The following BLTP1 variants were observed in gnomAD, a reference collection of about 807,000 sequenced individuals.
BLTP1 encodes bridge-like lipid transfer protein family member 1.
the BLTP1 span, chr4:122,229,944 G>A: frequency 5.5e-5 from 88 of 1,611,802 alleles, no homozygotes; most frequent in Non-Finnish European, 7.0e-5. Flanking sequence ...GGTGCAATTC[G>A]AGTTGCAAAC....
At chr4:122,202,782 C>T in the BLTP1 span, among the ~76,000 whole-genome samples, 2 of 151,928 alleles carry the variant, frequency 1.3e-5, no homozygotes, top group African/African-American at 2.4e-5. Context: ...TTAGTTACAT[C>T]GAAACAGCTA....
the BLTP1 span, chr4:122,206,028 G>A: frequency 1.0e-6 from 1 of 982,784 alleles, no homozygotes; most frequent in Admixed American, 6.2e-5. Context: ...TTTATTTATT[G>A]GGATTAAAAA....
the BLTP1 span, chr4:122,289,629 A>G: frequency 1.0e-6 from 1 of 985,236 alleles, no homozygotes; most frequent in Non-Finnish European, 1.2e-6. Context: ...CTTACAGTTG[A>G]GCTTAGTCAT....
chr4:122,298,771 C>A, the BLTP1 span: 12 of 694,790 alleles, frequency 1.7e-5, no homozygotes, highest in Non-Finnish European at 2.1e-5. Context: ...CGAACTGATA[C>A]TTGAGTAAGT....
the BLTP1 span, chr4:122,210,901 G>A: frequency 6.2e-7 from 1 of 1,611,926 alleles, no homozygotes; most frequent in Non-Finnish European, 8.5e-7. Flanking sequence ...AGAAATGGAA[G>A]AGACAATGCT....
At chr4:122,237,365 C>G in the BLTP1 span, 3 of 985,206 alleles carry the variant, frequency 3.0e-6, no homozygotes, top group Non-Finnish European at 3.6e-6. Context: ...CACTCTGATC[C>G]TAAAGTCGTT....
chr4:122,265,800 G>A, the BLTP1 span, among the ~76,000 whole-genome samples: 1 of 151,846 alleles, frequency 6.6e-6, no homozygotes. Context: ...CCGGGTTCAC[G>A]CCATTCTCCT....
At chr4:122,162,739 A>C in the BLTP1 span, 247 of 813,798 alleles carry the variant, frequency 3.0e-4, no homozygotes, top group East Asian at 1.6e-3. Context: ...CAACAACAAA[A>C]AAAAAACTGG....
chr4:122,256,888 T>A, the BLTP1 span: 2 of 234,928 alleles, frequency 8.5e-6, no homozygotes, highest in Non-Finnish European at 1.4e-5. Flanking sequence ...GCTTATTGAA[T>A]GTTCCAAGTA....
the BLTP1 span, chr4:122,305,678 A>T: frequency 2.1e-6 from 2 of 940,090 alleles, no homozygotes; most frequent in Non-Finnish European, 2.5e-6. Context: ...CTATGACTTC[A>T]TATTTACTTC....
the BLTP1 span, chr4:122,188,198 G>A: frequency 1.8e-5 from 22 of 1,198,978 alleles, no homozygotes; most frequent in Non-Finnish European, 2.3e-5. Context: ...CAAAAATTAG[G>A]TATATTTCTC....
At chr4:122,301,192 A>G in the BLTP1 span, 1 of 1,251,802 alleles carries the variant, frequency 8.0e-7, no homozygotes, top group Non-Finnish European at 1.1e-6. Context: ...TCTCTGTATC[A>G]GTGGTCAGTA....
chr4:122,352,781 ACT>A, the BLTP1 span: 1 of 1,190,568 alleles, frequency 8.4e-7, no homozygotes, highest in African/African-American at 1.5e-5. Flanking sequence ...TTTAACAGGC[ACT>A]GGACACTGTT....
chr4:122,336,392 T>G, the BLTP1 span: 2 of 1,363,698 alleles, frequency 1.5e-6, no homozygotes, highest in Non-Finnish European at 2.0e-6. Context: ...TAACATATAT[T>G]TTGGGATCTT....
At chr4:122,344,505 G>C in the BLTP1 span, 3 of 1,613,830 alleles carry the variant, frequency 1.9e-6, no homozygotes, top group Admixed American at 1.7e-5. Flanking sequence ...TTTTTTGAAA[G>C]TCAGTCTGTA....
At chr4:122,249,823 G>C in the BLTP1 span, 2 of 1,415,222 alleles carry the variant, frequency 1.4e-6, no homozygotes, top group African/African-American at 2.9e-5. Flanking sequence ...TTATTTACCG[G>C]GGGTGAGTGC....
chr4:122,266,797 T>G, the BLTP1 span: 3 of 1,598,646 alleles, frequency 1.9e-6, no homozygotes, highest in Non-Finnish European at 2.6e-6. Flanking sequence ...TTTTCAAGCC[T>G]CTTCTGAGTC....
the BLTP1 span, chr4:122,204,572 T>C: frequency 1.0e-6 from 1 of 984,988 alleles, no homozygotes; most frequent in Non-Finnish European, 1.2e-6. Context: ...TTCTCTGTAA[T>C]ATTATGTTGG....
the BLTP1 span, chr4:122,161,022 G>C: frequency 3.4e-6 from 1 of 291,862 alleles, no homozygotes; most frequent in Non-Finnish European, 5.1e-6. Context: ...ATAATTCACA[G>C]AATTTCTAGT....
Sources: allele counts gnomAD v4.1 joint callset (sites outside exome capture counted in the v4.1 genomes callset), GRCh38; gene constraint gnomAD v4.1.1; transcripts MANE v1.5; gene names NCBI Gene and HGNC (gene_info 2026-07-23, HGNC 2026-07-21).